The following GATB variants were observed in gnomAD, a reference collection of about 807,000 sequenced individuals.
GATB encodes the protein glutamyl-tRNA(Gln) amidotransferase subunit B, mitochondrial.
Under a neutral mutation model 62.3 loss-of-function variants are expected in GATB, and 39 were observed. The ratio of observed to expected loss-of-function variants is 0.63; its 90% CI spans 0.48 to 0.82. The LOEUF is 0.82. GATB is among the 40% of genes least tolerant of loss of function. The pLI, the probability that GATB is intolerant of heterozygous loss-of-function variation, is 0.00. For missense variants in GATB, 670 were observed against 684.0 expected (o/e 0.98, Z 0.23); for synonymous variants, 276 against 258.9 (o/e 1.07, Z -0.63).
At chr4:151,699,636 C>T (rs147662432) in intron 9 of GATB, among the ~76,000 whole-genome samples, 372 of 152,228 alleles carry the variant, frequency 2.4e-3, no homozygotes, top group African/African-American at 8.3e-3. Flanking sequence ...TCCCCATCAC[C>T]GCTCATGAAC....
Position 151,671,085 on chromosome 4 carries a change from G to T in GATB, c.*89C>A. The T allele has an allele frequency of 7.0e-7, 1 of 1,435,114 alleles. No homozygotes were observed. The allele number at this position is 1,435,114 out of a possible 1,614,324, so 88.9% of individuals were successfully genotyped here. ...CAGGGATTGAGAGGCAGCTCTCAGG[G>T]CACATGGGCATCAGCTTTCACAGGA... is the stretch of plus-strand genomic sequence containing the variant. On this transcript the variant is annotated 3_prime_UTR_variant, in exon 13 of 13. Coordinates refer to ENST00000263985, the MANE Select transcript of GATB (RefSeq NM_004564.3).
chr4:151,702,588 G>A (rs561274965), intron 8 of GATB, among the ~76,000 whole-genome samples: 2 of 152,294 alleles, frequency 1.3e-5, no homozygotes, highest in South Asian at 4.1e-4. Context: ...GACTCTGGGG[G>A]GAGAGTGGGG....
At chr4:151,694,508 T>C (rs1048784504) in intron 9 of GATB, among the ~76,000 whole-genome samples, 3 of 152,264 alleles carry the variant, frequency 2.0e-5, no homozygotes, top group Admixed American at 6.5e-5. Context: ...GTTATTTTTC[T>C]AGTGTATAGA....
In GATB at chr4:151,688,542, A is replaced by G. The variant is rs6535814; in HGVS notation, c.1331+88T>C. On this transcript the variant is annotated intron_variant, in intron 10 of 12. Coordinates refer to ENST00000263985, the MANE Select transcript of GATB (RefSeq NM_004564.3). ...TCAGGATATCCTGAGGGAGAACAGC[A>G]GGAGCAAAAAAATGGACCTGCCCTA... 0.51 allele frequency: 673,572 copies of G among 1,324,886 alleles called. 176,519 individuals carry two copies. The highest frequency in any genetic ancestry group is 0.78 in the African/African-American group (52,715 of 67,526). 82.1% of individuals were successfully genotyped at this position (1,324,886 alleles called of 1,614,324 possible). A position where few individuals can be genotyped will look rare whatever the true frequency, so the allele number is the denominator to read the frequency against.
chr4:151,753,453 T>A (rs1739761449), intron 2 of GATB, among the ~76,000 whole-genome samples: 3 of 152,140 alleles, frequency 2.0e-5, no homozygotes, highest in African/African-American at 7.2e-5. Flanking sequence ...AGTGAGGCCC[T>A]CCTCCACCTA....
rs1296685022 is a variant in GATB, at chr4:151,677,905, G to A, written c.1410+1908C>T. On this transcript the variant is annotated intron_variant, in intron 11 of 12. Coordinates refer to ENST00000263985, the MANE Select transcript of GATB (RefSeq NM_004564.3). ...AAAGTACACCATAACTTCAGTTTTT[G>A]AAAGTCTTTATTGCTATCTTTCCTT... is the stretch of plus-strand genomic sequence containing the variant. The A allele has an allele frequency of 3.3e-5, 5 of 152,156 alleles. No individual in the cohort carries two copies. In the East Asian group the frequency reaches 9.6e-4, roughly 29 times the overall value. 9.4% of individuals were successfully genotyped at this position (152,156 alleles called of 1,614,324 possible). A position where few individuals can be genotyped will look rare whatever the true frequency, so the allele number is the denominator to read the frequency against.
Position 151,713,055 on chromosome 4 carries a change from T to G in GATB, c.763+2954A>C, listed in dbSNP as rs902101279. ...GATCAGCCATGGCATTAGATTCTCA[T>G]AGGAGCACGAACCCTATTGTGAACT... On this transcript the variant is annotated intron_variant, in intron 5 of 12. Transcript: ENST00000263985. Among the ~76,000 whole-genome samples, 14 of 152,248 alleles carry G rather than the reference T, an allele frequency of 9.2e-5. 1 individual carries two copies. The highest frequency in any genetic ancestry group is 7.7e-4 in the East Asian group (4 of 5,178).
chr4:151,754,095 A>G (rs1308403362), intron 2 of GATB, among the ~76,000 whole-genome samples: 1 of 151,946 alleles, frequency 6.6e-6, no homozygotes, highest in Admixed American at 6.6e-5. Flanking sequence ...CAAAACACTC[A>G]CTTCCTTGGA....
At chr4:151,718,999 G>A in intron 3 of GATB, among the ~76,000 whole-genome samples, 1 of 152,220 alleles carries the variant, frequency 6.6e-6, no homozygotes, top group South Asian at 2.1e-4. Flanking sequence ...CTCCAAAGGA[G>A]ACAGCCCTAT....
chr4:151,671,510 T>C (rs1205412545), intron 12 of GATB, among the ~76,000 whole-genome samples: 2 of 152,202 alleles, frequency 1.3e-5, no homozygotes, highest in Admixed American at 1.3e-4. Context: ...GCTACTCTGC[T>C]TTCTGATTAA....
In GATB at chr4:151,738,446, C is replaced by T. The variant is rs186535897; in HGVS notation, c.328-18908G>A. 4.9e-4 allele frequency among the ~76,000 whole-genome samples: 74 copies of T among 152,316 alleles called. 1 individual carries two copies. The East Asian group carries it at 0.013, about 26-fold the overall frequency. ...CTTGTCTGCTGCCATATGAGACATGCCTTTCACCTTCCACCATGATTGTGA... is the reference window on the plus strand; with the variant it reads ...CTTGTCTGCTGCCATATGAGACATGTCTTTCACCTTCCACCATGATTGTGA... On this transcript the variant is annotated intron_variant, in intron 2 of 12. Coordinates refer to ENST00000263985, the MANE Select transcript of GATB (RefSeq NM_004564.3).
intron 10 of GATB, among the ~76,000 whole-genome samples, chr4:151,683,128 G>A (rs967865237): frequency 5.9e-5 from 9 of 152,150 alleles, no homozygotes; most frequent in African/African-American, 1.9e-4. Context: ...CAAATGCTCC[G>A]ATCTTCCCTG....
intron 1 of GATB, 92 bp downstream of exon 1, chr4:151,760,707 AGCCAAAAC>A: frequency 8.7e-7 from 1 of 1,150,644 alleles, no homozygotes; most frequent in East Asian, 2.7e-5. Flanking sequence ...CCCTCCCGTC[AGCCAAAAC>A]GTCTAGAAGC....
Position 151,671,118 on chromosome 4 carries a change from C to T in GATB, c.*56G>A, listed in dbSNP as rs1300427876. 2 of 1,603,298 alleles carry T rather than the reference C, an allele frequency of 1.2e-6. No individual in the cohort carries two copies. Among genetic ancestry groups the T allele is most frequent in the East Asian group, 2.2e-5 (1 of 44,780 alleles). On this transcript the variant is annotated 3_prime_UTR_variant, in exon 13 of 13. Transcript: ENST00000263985. ...GCATCAGCTTTCACAGGATCCTGTT[C>T]CCAGTCAGGCTGCACTGTTTGTTGT... is the stretch of plus-strand genomic sequence containing the variant.
chr4:151,697,957 A>G lies in GATB; in HGVS notation c.1197+3372T>C, dbSNP rs1049028515. ...TATATATGTGTGTGTGTGTGTGTAT[A>G]TATATATATATATATATATATATAT... On this transcript the variant is annotated intron_variant, in intron 9 of 12. Coordinates refer to ENST00000263985, the MANE Select transcript of GATB (RefSeq NM_004564.3). Among the ~76,000 whole-genome samples, 157 of 49,658 alleles carry G rather than the reference A, an allele frequency of 3.2e-3. 1 individual carries two copies. Among genetic ancestry groups the G allele is most frequent in the Middle Eastern group, 0.01 (1 of 100 alleles). 32.6% of individuals were successfully genotyped at this position (49,658 alleles called of 152,430 possible).
chr4:151,740,418 C>CT (rs1739460991), intron 2 of GATB, among the ~76,000 whole-genome samples: 1 of 152,186 alleles, frequency 6.6e-6, no homozygotes, highest in African/African-American at 2.4e-5. Context: ...ATGTTATGTA[C>CT]TGAATACTGT....
intron 1 of GATB, 152 bp downstream of exon 1, chr4:151,760,655 T>C: frequency 1.8e-6 from 1 of 562,560 alleles, no homozygotes; most frequent in Non-Finnish European, 2.9e-6. Context: ...AGTCTGTTTG[T>C]GCTTTTATTT....
At chr4:151,745,609 T>C (rs1311487109) in intron 2 of GATB, among the ~76,000 whole-genome samples, 1 of 152,260 alleles carries the variant, frequency 6.6e-6, no homozygotes, top group Non-Finnish European at 1.5e-5. Flanking sequence ...AAGGAATCTC[T>C]AGCAGAAAGC....
chr4:151,715,275 A>G (rs1396388230), intron 5 of GATB, among the ~76,000 whole-genome samples: 1 of 152,166 alleles, frequency 6.6e-6, no homozygotes, highest in Non-Finnish European at 1.5e-5. Flanking sequence ...AAGTTTTCAA[A>G]AAGTCCCTAG....
Sources: gnomAD v4.1 joint callset for allele counts (sites outside exome capture counted in the v4.1 genomes callset) on GRCh38, gnomAD v4.1.1 for gene constraint, MANE v1.5 for transcripts, NCBI Gene and HGNC (gene_info 2026-07-23, HGNC 2026-07-21) for gene names.